Variants in INPP4B observed in about 807,000 individuals in gnomAD.
The protein encoded by INPP4B is inositol polyphosphate-4-phosphatase type II B, also known as inositol polyphosphate 4-phosphatase type II.
In INPP4B, 55 loss-of-function variants were observed where a neutral mutation model predicts 122.5. The ratio of observed to expected loss-of-function variants is 0.45; its 90% CI spans 0.36 to 0.56. The LOEUF (loss-of-function observed/expected upper bound fraction) is 0.56, where lower values mean the gene tolerates loss of function less well. INPP4B is among the 20% of genes least tolerant of loss of function. The pLI is 0.00. For missense variants in INPP4B, 1,000 were observed against 1,097.7 expected, an observed-to-expected ratio of 0.91 and a Z score of 1.26; for synonymous variants, 403 against 388.7, an observed-to-expected ratio of 1.04 and a Z score of -0.43.
intron 25 of INPP4B, among the ~76,000 whole-genome samples, chr4:142,030,521 C>T (rs1309540673): frequency 6.6e-6 from 1 of 152,108 alleles, no homozygotes; most frequent in Non-Finnish European, 1.5e-5. Flanking sequence ...ATTCCTTTAG[C>T]TCTTTGTGCA....
chr4:142,568,993 A>G (rs1732232037), intron 2 of INPP4B, among the ~76,000 whole-genome samples: 1 of 152,160 alleles, frequency 6.6e-6, no homozygotes, highest in Non-Finnish European at 1.5e-5. Flanking sequence ...AAACATTGTG[A>G]TGTTTACCTA....
chr4:142,629,476 A>ACTCT (rs1360775964), intron 2 of INPP4B, among the ~76,000 whole-genome samples: 1 of 151,988 alleles, frequency 6.6e-6, no homozygotes, highest in Admixed American at 6.6e-5. Flanking sequence ...AGATGAGATG[A>ACTCT]AGGAAACCCT....
At chr4:142,489,503 C>T (rs1387071777) in intron 2 of INPP4B, among the ~76,000 whole-genome samples, 2 of 152,192 alleles carry the variant, frequency 1.3e-5, no homozygotes, top group South Asian at 2.1e-4. Flanking sequence ...AGGCAATTCT[C>T]ATGCCTCAGC....
intron 10 of INPP4B, among the ~76,000 whole-genome samples, chr4:142,265,319 C>G (rs887313144): frequency 1.3e-5 from 2 of 152,152 alleles, no homozygotes; most frequent in African/African-American, 4.8e-5. Flanking sequence ...ATTCCTTTGT[C>G]CCTAGCTCAT....
At chr4:142,412,555 T>C (rs1193038669) in intron 5 of INPP4B, among the ~76,000 whole-genome samples, 4 of 152,186 alleles carry the variant, frequency 2.6e-5, no homozygotes, top group African/African-American at 9.7e-5. Flanking sequence ...ACAATGAGAA[T>C]TGCACAAGCA....
intron 10 of INPP4B, among the ~76,000 whole-genome samples, chr4:142,263,639 A>T (rs771627736): frequency 0.027 from 1,120 of 41,798 alleles, 14 homozygotes; most frequent in Non-Finnish European, 0.057. Context: ...AAATTCGTAA[A>T]ATATATATAT....
chr4:142,290,678 T>C (rs1756063339), intron 9 of INPP4B, among the ~76,000 whole-genome samples: 1 of 152,172 alleles, frequency 6.6e-6, no homozygotes, highest in Non-Finnish European at 1.5e-5. Flanking sequence ...CCAACTGATG[T>C]CTACATGGTT....
intron 2 of INPP4B, among the ~76,000 whole-genome samples, chr4:142,597,165 C>T (rs1738886717): frequency 6.6e-6 from 1 of 152,212 alleles, no homozygotes; most frequent in African/African-American, 2.4e-5. Context: ...GACTGCAATT[C>T]AAGGACTATC....
At chr4:142,170,795 C>T (rs536448779) in intron 16 of INPP4B, among the ~76,000 whole-genome samples, 2 of 151,776 alleles carry the variant, frequency 1.3e-5, no homozygotes, top group South Asian at 2.1e-4. Context: ...TTCCATTTTT[C>T]TACCTTTTCT....
chr4:142,150,070 C>A (rs1326400642), intron 17 of INPP4B, among the ~76,000 whole-genome samples: 2 of 152,168 alleles, frequency 1.3e-5, no homozygotes, highest in African/African-American at 2.4e-5. Flanking sequence ...TGAAAACATA[C>A]ACAGAGGAAA....
chr4:142,405,125 G>A, intron 6 of INPP4B, 81 bp downstream of exon 6: 2 of 690,142 alleles, frequency 2.9e-6, no homozygotes, highest in South Asian at 1.6e-5. Flanking sequence ...GGGTGGGGGG[G>A]AGGGAGAGAG....
At chr4:142,187,345 CT>C (rs1561421591) in intron 15 of INPP4B, among the ~76,000 whole-genome samples, 3 of 151,794 alleles carry the variant, frequency 2.0e-5, no homozygotes, top group African/African-American at 7.3e-5. Flanking sequence ...TTGAAATATA[CT>C]TTATTGAAAT....
rs992301914 is a variant in INPP4B at position 142,727,269 on chromosome 4, G to T, written c.-253-1368C>A. ...TGCTGAGAACTTTAGCTTGAAGAAG[G>T]CCTTCAAGAAATTGTGATATACTTC... On this transcript the variant is annotated intron_variant, in intron 1 of 25. Coordinates refer to ENST00000262992, the MANE Select transcript of INPP4B (RefSeq NM_001101669.3). Among the ~76,000 whole-genome samples, 12 of 152,204 alleles carry T rather than the reference G, an allele frequency of 7.9e-5. No individual in the cohort carries two copies. The East Asian group carries it at 2.3e-3, about 29-fold the overall frequency.
intron 7 of INPP4B, among the ~76,000 whole-genome samples, chr4:142,345,563 G>A (rs1780034025): frequency 6.6e-6 from 1 of 151,924 alleles, no homozygotes; most frequent in African/African-American, 2.4e-5. Context: ...TAGTACACAT[G>A]GACACAAGCA....
chr4:142,136,584 A>C (rs914639789), intron 18 of INPP4B, among the ~76,000 whole-genome samples: 1 of 152,164 alleles, frequency 6.6e-6, no homozygotes, highest in African/African-American at 2.4e-5. Flanking sequence ...GTGAGTTCTC[A>C]GAAGAGTTTA....
intron 1 of INPP4B, among the ~76,000 whole-genome samples, chr4:142,837,904 T>C (rs182212017): frequency 2.0e-5 from 3 of 152,220 alleles, no homozygotes; most frequent in East Asian, 1.9e-4. Flanking sequence ...CACAGTGTGA[T>C]AGCAAAAACA....
At chr4:142,248,336 CTT>C (rs34309443) in intron 11 of INPP4B, among the ~76,000 whole-genome samples, 9 of 106,378 alleles carry the variant, frequency 8.5e-5, no homozygotes, top group African/African-American at 7.6e-5. Context: ...CTCTCTCTCT[CTT>C]TTTTTTTTTT....
At chr4:142,411,909 A>C (rs998003015) in intron 5 of INPP4B, among the ~76,000 whole-genome samples, 3 of 152,040 alleles carry the variant, frequency 2.0e-5, no homozygotes, top group Non-Finnish European at 2.9e-5. Flanking sequence ...AAACAAAAAA[A>C]CCCAGAGCTT....
intron 5 of INPP4B, among the ~76,000 whole-genome samples, chr4:142,411,522 T>C (rs1010833051): frequency 6.6e-6 from 1 of 152,056 alleles, no homozygotes; most frequent in Non-Finnish European, 1.5e-5. Context: ...ATGGGAGAGA[T>C]AAATCCATGC....
Sources: gnomAD v4.1 joint callset for allele counts (sites outside exome capture counted in the v4.1 genomes callset) on GRCh38, gnomAD v4.1.1 for gene constraint, MANE v1.5 for transcripts, NCBI Gene and HGNC (gene_info 2026-07-23, HGNC 2026-07-21) for gene names.